The following RBFOX1 variants were observed in gnomAD, a reference collection of about 807,000 sequenced individuals.
The protein encoded by RBFOX1 is RNA binding fox-1 homolog 1, also known as RNA binding protein fox-1 homolog 1.
In RBFOX1, 8 loss-of-function variants were observed where a neutral mutation model predicts 57.7. The ratio of observed to expected loss-of-function variants is 0.14; its 90% CI spans 0.08 to 0.25. The LOEUF is 0.25. Among genes scored for constraint, RBFOX1 ranks in the 10% least tolerant of loss-of-function variants. The pLI, the probability that RBFOX1 is intolerant of heterozygous loss-of-function variation, is 1.00. For missense variants in RBFOX1, 611 were observed against 548.5 expected (o/e 1.11, Z -1.14); for synonymous variants, 326 against 222.4 (o/e 1.47, Z -4.15).
chr16:6,239,269 C>T (rs1052022617), intron 1 of RBFOX1, among the ~76,000 whole-genome samples: 1 of 152,052 alleles, frequency 6.6e-6, no homozygotes, highest in Non-Finnish European at 1.5e-5. Flanking sequence ...AATCTCCCCT[C>T]GCAGACTTGA....
chr16:5,800,695 C>A (rs540852515), intron 3 of RBFOX1, among the ~76,000 whole-genome samples: 1 of 152,126 alleles, frequency 6.6e-6, no homozygotes, highest in South Asian at 2.1e-4. Flanking sequence ...AAAGTGTTGT[C>A]CCTGCAGTCA....
chr16:5,671,960 A>G (rs1415734644), intron 3 of RBFOX1, among the ~76,000 whole-genome samples: 1 of 152,162 alleles, frequency 6.6e-6, no homozygotes. Context: ...GTTTTCTCTC[A>G]AAGTGATGAA....
intron 2 of RBFOX1, among the ~76,000 whole-genome samples, chr16:6,497,576 A>C (rs1266800631): frequency 6.7e-6 from 1 of 149,160 alleles, no homozygotes; most frequent in African/African-American, 2.5e-5. Flanking sequence ...AAAAAAAAAA[A>C]ACAGAGTTTT....
intron 2 of RBFOX1, among the ~76,000 whole-genome samples, chr16:6,393,957 C>T (rs1031010395): frequency 2.0e-5 from 3 of 152,182 alleles, no homozygotes; most frequent in African/African-American, 7.2e-5. Context: ...GAGAGGTAGG[C>T]TGTTCTTTTT....
chr16:7,712,570 G>A lies in RBFOX1; in HGVS notation c.*1825G>A, dbSNP rs897836546. ...TTGAAAAGAGAAAAGGGGGAGGGGG[G>A]AGCTACTTATCAGCCAAAAGCATAT... On this transcript the variant is annotated 3_prime_UTR_variant, in exon 16 of 16. Coordinates refer to ENST00000550418, the MANE Select transcript of RBFOX1 (RefSeq NM_018723.4). 2.6e-5 allele frequency: 4 copies of A among 152,496 alleles called. No homozygotes were observed. Among genetic ancestry groups the A allele is most frequent in the African/African-American group, 2.4e-5 (1 of 41,400 alleles). 9.4% of individuals were successfully genotyped at this position (152,496 alleles called of 1,614,324 possible).
rs545441682 is a variant in RBFOX1, at chr16:6,970,534, G to A, written c.-15-81523G>A. Among the ~76,000 whole-genome samples the A allele has an allele frequency of 7.9e-5, 12 of 152,220 alleles. 1 individual carries two copies. The highest frequency in any genetic ancestry group is 4.1e-4 in the South Asian group (2 of 4,820). On this transcript the variant is annotated intron_variant, in intron 3 of 15. Transcript: ENST00000550418. Reference sequence around the variant, plus strand: ...AGAGACATCAGTAGATTCAGTGTCCGGTGAGGGCTGAGTCTCTGCCTTATA... The same window carrying A: ...AGAGACATCAGTAGATTCAGTGTCCAGTGAGGGCTGAGTCTCTGCCTTATA...
intron 2 of RBFOX1, among the ~76,000 whole-genome samples, chr16:5,488,471 G>A (rs1381041031): frequency 6.6e-6 from 1 of 151,186 alleles, no homozygotes; most frequent in Admixed American, 6.6e-5. Flanking sequence ...TGGTGTGGTG[G>A]GGTGTGATGG....
At chr16:7,266,386 C>T (rs949982515) in intron 4 of RBFOX1, among the ~76,000 whole-genome samples, 2 of 152,180 alleles carry the variant, frequency 1.3e-5, no homozygotes, top group Admixed American at 1.3e-4. Context: ...TCCGCCATGA[C>T]GAAAGTCCCC....
chr16:7,066,814 G>T (rs1053491086), intron 4 of RBFOX1, among the ~76,000 whole-genome samples: 1 of 152,120 alleles, frequency 6.6e-6, no homozygotes, highest in East Asian at 1.9e-4. Context: ...AATAAGAGGA[G>T]CACTTGATGT....
At chr16:7,656,246 C>CGTCTT (rs2066265988) in intron 12 of RBFOX1, among the ~76,000 whole-genome samples, 1 of 152,162 alleles carries the variant, frequency 6.6e-6, no homozygotes, top group Non-Finnish European at 1.5e-5. Flanking sequence ...GAAGGAAATT[C>CGTCTT]GTCTTGTTGC....
At chr16:7,091,297 C>G (rs1270065672) in intron 4 of RBFOX1, among the ~76,000 whole-genome samples, 1 of 151,108 alleles carries the variant, frequency 6.6e-6, no homozygotes, top group Non-Finnish European at 1.5e-5. Context: ...ATTTGGTGTT[C>G]CATTTATTCA....
At chr16:7,079,338 A>C (rs752869126) in intron 4 of RBFOX1, among the ~76,000 whole-genome samples, 55 of 152,252 alleles carry the variant, frequency 3.6e-4, no homozygotes, top group Non-Finnish European at 6.6e-4. Context: ...CATGTTCCTA[A>C]AAGAAGGGGA....
intron 2 of RBFOX1, among the ~76,000 whole-genome samples, chr16:5,473,256 C>T (rs982805540): frequency 2.6e-5 from 4 of 152,102 alleles, no homozygotes; most frequent in African/African-American, 7.3e-5. Context: ...GTGATAGCTC[C>T]TGGGCATGGC....
chr16:6,487,928 A>T (rs1009058979), intron 2 of RBFOX1, among the ~76,000 whole-genome samples: 1 of 151,718 alleles, frequency 6.6e-6, no homozygotes, highest in Non-Finnish European at 1.5e-5. Context: ...AATGATCTGT[A>T]GTTTTTGGTT....
intron 4 of RBFOX1, among the ~76,000 whole-genome samples, chr16:7,061,279 T>A (rs1354488641): frequency 6.6e-6 from 1 of 152,190 alleles, no homozygotes; most frequent in Non-Finnish European, 1.5e-5. Context: ...GTTTTTTAAA[T>A]GTCATCTTCA....
chr16:5,541,813 G>T (rs2151061431), intron 2 of RBFOX1, among the ~76,000 whole-genome samples: 1 of 152,310 alleles, frequency 6.6e-6, no homozygotes, highest in Middle Eastern at 3.4e-3. Context: ...GTAATTGGAA[G>T]GATAGGATTG....
chr16:6,320,891 T>C (rs1166264498), intron 2 of RBFOX1, among the ~76,000 whole-genome samples: 1 of 152,122 alleles, frequency 6.6e-6, no homozygotes, highest in East Asian at 1.9e-4. Flanking sequence ...CCTCCTGGGT[T>C]CAAGCGATTA....
At chr16:7,702,424 A>G (rs374472913) in intron 14 of RBFOX1, among the ~76,000 whole-genome samples, 20 of 152,344 alleles carry the variant, frequency 1.3e-4, no homozygotes, top group African/African-American at 4.3e-4. Flanking sequence ...AGAAGCCTTC[A>G]GCCTCTTTCA....
chr16:6,981,411 C>A (rs1029652795), intron 3 of RBFOX1, among the ~76,000 whole-genome samples: 1 of 152,138 alleles, frequency 6.6e-6, no homozygotes, highest in Admixed American at 6.5e-5. Flanking sequence ...CATGTCCCTG[C>A]AAAGGACATC....
Sources: gnomAD v4.1 joint callset for allele counts (sites outside exome capture counted in the v4.1 genomes callset) on GRCh38, gnomAD v4.1.1 for gene constraint, MANE v1.5 for transcripts, NCBI Gene and HGNC (gene_info 2026-07-23, HGNC 2026-07-21) for gene names.